ASTN2: variants seen among roughly 807,000 people sequenced by gnomAD.
The protein encoded by ASTN2 is astrotactin-2.
Under a neutral mutation model 139.8 loss-of-function variants are expected in ASTN2, and 54 were observed. That is an observed-to-expected ratio of 0.39 (90% CI 0.31 to 0.48). The LOEUF (loss-of-function observed/expected upper bound fraction) is 0.48, where lower values mean the gene tolerates loss of function less well. Among genes scored for constraint, ASTN2 ranks in the 20% least tolerant of loss-of-function variants. The probability of loss-of-function intolerance (pLI) is 0.95; values close to 1 mark genes in which losing one functional copy is unlikely to be tolerated. For synonymous variants in ASTN2, 756 were observed against 719.5 expected (o/e 1.05, Z -0.81); for missense variants, 1,565 against 1,725.1 (o/e 0.91, Z 1.64).
intron 5 of ASTN2, among the ~76,000 whole-genome samples, chr9:117,076,371 C>T (rs1564414880): frequency 6.6e-6 from 1 of 151,190 alleles, no homozygotes; most frequent in Non-Finnish European, 1.5e-5. Context: ...AAAATAATTT[C>T]TGTCGAATAA....
intron 20 of ASTN2, among the ~76,000 whole-genome samples, chr9:116,453,955 T>G (rs1848251850): frequency 6.6e-6 from 1 of 152,208 alleles, no homozygotes; most frequent in South Asian, 2.1e-4. Flanking sequence ...AGCTGGAGCC[T>G]GAACTCAGGG....
chr9:116,695,365 C>T (rs1466286379), intron 16 of ASTN2, among the ~76,000 whole-genome samples: 3 of 152,152 alleles, frequency 2.0e-5, no homozygotes, highest in Middle Eastern at 3.2e-3. Context: ...GTTTCCCTTG[C>T]AGTACAAAGG....
At chr9:116,850,146 A>C (rs1832556476) in intron 11 of ASTN2, among the ~76,000 whole-genome samples, 1 of 152,156 alleles carries the variant, frequency 6.6e-6, no homozygotes, top group African/African-American at 2.4e-5. Flanking sequence ...GATCAACTGC[A>C]ACACCCACAG....
intron 19 of ASTN2, chr9:116,546,412 T>G (rs1036384133): frequency 6.6e-6 from 1 of 152,146 alleles, no homozygotes; most frequent in Admixed American, 6.5e-5. Flanking sequence ...TAAGCTGACT[T>G]GCCCAATGTT....
chr9:117,373,920 C>G (rs961134601), intron 1 of ASTN2, among the ~76,000 whole-genome samples: 15 of 152,124 alleles, frequency 9.9e-5, no homozygotes, highest in African/African-American at 3.6e-4. Context: ...GTTACTGAAG[C>G]ACTTAATGAT....
At chr9:116,636,742 T>C (rs932294185) in intron 17 of ASTN2, among the ~76,000 whole-genome samples, 6 of 152,166 alleles carry the variant, frequency 3.9e-5, no homozygotes, top group African/African-American at 9.7e-5. Flanking sequence ...CAGAGCCCTA[T>C]AATCAGTATG....
intron 7 of ASTN2, among the ~76,000 whole-genome samples, chr9:116,978,159 T>C (rs1836405912): frequency 6.6e-6 from 1 of 152,192 alleles, no homozygotes. Flanking sequence ...GCCAGTGTAG[T>C]GTGATTCTCC....
chr9:117,320,496 A>G (rs1016833636), intron 1 of ASTN2, among the ~76,000 whole-genome samples: 6 of 152,186 alleles, frequency 3.9e-5, no homozygotes, highest in Admixed American at 2.0e-4. Flanking sequence ...AAGGATTACT[A>G]TACTGTCACA....
At chr9:117,206,435 ACAGCTG>A (rs1405393138) in intron 3 of ASTN2, among the ~76,000 whole-genome samples, 1 of 152,150 alleles carries the variant, frequency 6.6e-6, no homozygotes, top group Non-Finnish European at 1.5e-5. Context: ...AAGAATTTAT[ACAGCTG>A]CACTGTCCTG....
intron 2 of ASTN2, among the ~76,000 whole-genome samples, chr9:117,260,159 A>T (rs1034894157): frequency 2.6e-5 from 4 of 152,122 alleles, no homozygotes; most frequent in Admixed American, 6.6e-5. Flanking sequence ...ACCCTGACAC[A>T]ACATCAAAGC....
intron 4 of ASTN2, among the ~76,000 whole-genome samples, chr9:117,134,339 C>A (rs1360705): frequency 1.4e-5 from 2 of 139,216 alleles, no homozygotes; most frequent in East Asian, 2.1e-4. Flanking sequence ...CACACACACA[C>A]GCCTGTGTTC....
intron 12 of ASTN2, among the ~76,000 whole-genome samples, chr9:116,807,302 A>G (rs1831054046): frequency 6.6e-6 from 1 of 152,222 alleles, no homozygotes; most frequent in Admixed American, 6.5e-5. Context: ...TGCTACAGAT[A>G]TAGAGCTGAA....
chr9:117,237,679 C>T (rs1474927550), intron 2 of ASTN2, among the ~76,000 whole-genome samples: 1 of 152,184 alleles, frequency 6.6e-6, no homozygotes, highest in Non-Finnish European at 1.5e-5. Context: ...CAGGATTTCA[C>T]TGACTTAGCC....
intron 2 of ASTN2, among the ~76,000 whole-genome samples, chr9:117,231,491 C>A (rs192248752): frequency 9.9e-4 from 151 of 152,252 alleles, no homozygotes; most frequent in Middle Eastern, 6.8e-3. Context: ...TGGGGATAAG[C>A]AAATCTATCT....
chr9:117,223,200 A>T (rs1832585559), intron 2 of ASTN2, among the ~76,000 whole-genome samples: 1 of 152,140 alleles, frequency 6.6e-6, no homozygotes, highest in Non-Finnish European at 1.5e-5. Context: ...GGTAGATTTT[A>T]ACAAGGGTCT....
At chr9:116,868,678 C>T (rs10983385) in intron 10 of ASTN2, among the ~76,000 whole-genome samples, 58,147 of 152,118 alleles carry the variant, frequency 0.38, 11,861 homozygotes, top group Non-Finnish European at 0.46. Flanking sequence ...TTTATTCTCT[C>T]GCCATTCTGA....
intron 4 of ASTN2, among the ~76,000 whole-genome samples, chr9:117,130,858 C>T (rs547218057): frequency 3.3e-5 from 5 of 152,154 alleles, no homozygotes; most frequent in Admixed American, 1.3e-4. Flanking sequence ...AAAGCCCTAC[C>T]TATTCAGCCA....
intron 16 of ASTN2, among the ~76,000 whole-genome samples, chr9:116,712,916 C>T (rs1828207425): frequency 1.3e-5 from 2 of 152,188 alleles, no homozygotes; most frequent in Non-Finnish European, 2.9e-5. Flanking sequence ...CAGCATACCT[C>T]CTGGCATGTA....
At chr9:116,455,435 A>T (rs369507451) in intron 20 of ASTN2, among the ~76,000 whole-genome samples, 2 of 152,096 alleles carry the variant, frequency 1.3e-5, no homozygotes, top group East Asian at 3.9e-4. Flanking sequence ...CCCATGTGAC[A>T]TTTTCTTTAC....
Sources: allele counts gnomAD v4.1 joint callset (sites outside exome capture counted in the v4.1 genomes callset), GRCh38; gene constraint gnomAD v4.1.1; transcripts MANE v1.5; gene names NCBI Gene and HGNC (gene_info 2026-07-23, HGNC 2026-07-21).